TTC39C: variants seen among roughly 807,000 people sequenced by gnomAD.
TTC39C encodes tetratricopeptide repeat protein 39C.
In TTC39C, 33 loss-of-function variants were observed where a neutral mutation model predicts 76.3. The observed-to-expected ratio is 0.43, with a 90% CI of 0.33 to 0.58. The LOEUF (loss-of-function observed/expected upper bound fraction) is 0.58. TTC39C is among the 20% of genes least tolerant of loss of function. TTC39C has a pLI of 0.04. For synonymous variants in TTC39C, 254 were observed against 260.6 expected (o/e 0.97, Z 0.24); for missense variants, 595 against 701.4 (o/e 0.85, Z 1.71).
At chr18:24,033,530 T>A (rs543503700) in intron 1 of TTC39C, among the ~76,000 whole-genome samples, 7 of 152,360 alleles carry the variant, frequency 4.6e-5, no homozygotes, top group African/African-American at 1.7e-4. Context: ...ATTTGTTTGC[T>A]ATGCATTCTG....
intron 6 of TTC39C, among the ~76,000 whole-genome samples, chr18:24,092,637 A>ATAC (rs2084538646): frequency 6.6e-6 from 1 of 152,252 alleles, no homozygotes; most frequent in Admixed American, 6.5e-5. Flanking sequence ...CAAAGACCAT[A>ATAC]TACTATATGA....
intron 1 of TTC39C, among the ~76,000 whole-genome samples, chr18:24,007,824 C>T (rs187347599): frequency 6.6e-5 from 10 of 152,160 alleles, no homozygotes; most frequent in Non-Finnish European, 1.5e-5. Flanking sequence ...TTTAATTGCA[C>T]AGACTTTATT....
At chr18:23,997,652 GAGAAAGAAAGAA>G (rs1176951123) in intron 1 of TTC39C, among the ~76,000 whole-genome samples, 14 of 44,406 alleles carry the variant, frequency 3.2e-4, no homozygotes, top group African/African-American at 1.1e-3. Context: ...AGGAAGGAAG[GAGAAAGAAAGAA>G]AGAAAGAAAG....
At chr18:24,126,054 G>A (rs1209299751) in intron 10 of TTC39C, among the ~76,000 whole-genome samples, 4 of 152,156 alleles carry the variant, frequency 2.6e-5, no homozygotes, top group Non-Finnish European at 5.9e-5. Context: ...GGGCGGGGTG[G>A]TGTGCACCTA....
chr18:24,118,722 A>G (rs1008452842), intron 8 of TTC39C, among the ~76,000 whole-genome samples: 1 of 150,550 alleles, frequency 6.6e-6, no homozygotes, highest in Non-Finnish European at 1.5e-5. Flanking sequence ...GCCTGATCAC[A>G]GCTCACTATA....
chr18:24,001,031 T>A (rs926763655), intron 1 of TTC39C, among the ~76,000 whole-genome samples: 5 of 152,296 alleles, frequency 3.3e-5, no homozygotes, highest in South Asian at 4.1e-4. Context: ...TGAGATTCTG[T>A]CATTCTAGAA....
chr18:24,024,017 T>TA (rs1419745237), intron 1 of TTC39C, among the ~76,000 whole-genome samples: 1 of 6,836 alleles, frequency 1.5e-4, no homozygotes, highest in African/African-American at 5.5e-4. Context: ...TATATATATA[T>TA]TTTTTTTTTT....
rs564198109 is a variant in TTC39C, at chr18:24,097,009, C to T, written c.984+13928C>T. On this transcript the variant is annotated intron_variant, in intron 6 of 13. Transcript: ENST00000317571. The stretch of plus-strand genomic sequence containing the variant: ...TTAGGAAACAAGAAGTCAAAGGGAG[C>T]CAAATCAGGACTGTAAGGTGAATGC... 7.8e-4 allele frequency among the ~76,000 whole-genome samples: 118 copies of T among 152,158 alleles called. 1 individual carries two copies. The highest frequency in any genetic ancestry group is 2.7e-3 in the African/African-American group (112 of 41,508).
chr18:24,075,399 G>A (rs2084291372), intron 4 of TTC39C, among the ~76,000 whole-genome samples: 1 of 152,100 alleles, frequency 6.6e-6, no homozygotes, highest in Admixed American at 6.6e-5. Flanking sequence ...TCTTGGGCCA[G>A]GAACAGTGGC....
At chr18:24,089,123 A>G (rs2084484307) in intron 6 of TTC39C, among the ~76,000 whole-genome samples, 1 of 152,200 alleles carries the variant, frequency 6.6e-6, no homozygotes, top group Non-Finnish European at 1.5e-5. Flanking sequence ...TTTATCAGAT[A>G]GAAGAAAGAA....
At chr18:24,118,375 A>G in intron 8 of TTC39C, 143 bp downstream of exon 8, 1 of 621,962 alleles carries the variant, frequency 1.6e-6, no homozygotes, top group Non-Finnish European at 2.8e-6. Context: ...GTTTTGTGCA[A>G]CCAAGTAAAT....
chr18:24,041,309 A>G (rs368492994), intron 1 of TTC39C, among the ~76,000 whole-genome samples: 223 of 152,354 alleles, frequency 1.5e-3, no homozygotes, highest in African/African-American at 5.1e-3. Context: ...GATAATTGGC[A>G]TTGATTCGCT....
At chr18:24,122,980 T>C (rs187492993) in intron 8 of TTC39C, among the ~76,000 whole-genome samples, 1 of 152,320 alleles carries the variant, frequency 6.6e-6, no homozygotes, top group East Asian at 1.9e-4. Context: ...GTGTGATCTT[T>C]TCAATTGTAA....
intron 1 of TTC39C, among the ~76,000 whole-genome samples, chr18:23,996,751 A>G (rs1490490246): frequency 6.6e-6 from 1 of 152,216 alleles, no homozygotes; most frequent in Non-Finnish European, 1.5e-5. Flanking sequence ...TTTGAGACCT[A>G]TCTTGCTCAA....
intron 6 of TTC39C, among the ~76,000 whole-genome samples, chr18:24,087,882 T>C (rs2084465200): frequency 1.3e-5 from 2 of 152,230 alleles, no homozygotes; most frequent in Admixed American, 1.3e-4. Flanking sequence ...GCTGACATTT[T>C]AAAGCCTTAG....
At chr18:24,130,524 G>T (rs984960764) in intron 12 of TTC39C, 107 bp downstream of exon 12, 2 of 298,156 alleles carry the variant, frequency 6.7e-6, no homozygotes, top group African/African-American at 4.4e-5. Context: ...ACTGAACACA[G>T]TGTTCTTCAT....
In TTC39C at chr18:24,103,931, G is replaced by C. The variant is rs7231589; in HGVS notation, c.985-10623G>C. Among the ~76,000 whole-genome samples, 4 of 138,370 alleles carry C rather than the reference G, an allele frequency of 2.9e-5. No individual in the cohort carries two copies. The South Asian group carries it at 9.1e-4, about 32-fold the overall frequency. 90.8% of individuals were successfully genotyped at this position (138,370 alleles called of 152,430 possible). On this transcript the variant is annotated intron_variant, in intron 6 of 13. Transcript: ENST00000317571. ...GTGCGAAATCCCACATTCTCTCTCT[G>C]TTTTTTTTTTTTTTGTTTGAGACGG... is the stretch of plus-strand genomic sequence containing the variant.
chr18:24,019,245 C>T (rs917386081), intron 1 of TTC39C, among the ~76,000 whole-genome samples: 5 of 152,174 alleles, frequency 3.3e-5, no homozygotes, highest in Middle Eastern at 3.2e-3. Flanking sequence ...GCCCATCTCC[C>T]GCTTTAACTC....
intron 1 of TTC39C, among the ~76,000 whole-genome samples, chr18:24,027,637 G>C (rs2083615428): frequency 6.7e-6 from 1 of 150,176 alleles, no homozygotes. Flanking sequence ...ATAGCTCACT[G>C]TAGCCTTGAT....
Sources: gnomAD v4.1 joint callset for allele counts (sites outside exome capture counted in the v4.1 genomes callset) on GRCh38, gnomAD v4.1.1 for gene constraint, MANE v1.5 for transcripts, NCBI Gene and HGNC (gene_info 2026-07-23, HGNC 2026-07-21) for gene names.